The following SLC44A5 variants were observed in gnomAD, a reference collection of about 807,000 sequenced individuals.
SLC44A5 encodes the protein solute carrier family 44 member 5, also known as choline transporter-like protein 5.
Under a neutral mutation model 101.8 loss-of-function variants are expected in SLC44A5, and 57 were observed. The observed-to-expected ratio is 0.56, with a 90% CI of 0.45 to 0.70. SLC44A5 has a LOEUF of 0.70. Ranked by LOEUF, SLC44A5 falls within the 30% of genes least tolerant of loss-of-function variation. SLC44A5 has a pLI of 0.00. For missense variants in SLC44A5, 737 were observed against 853.1 expected (o/e 0.86, Z 1.70); for synonymous variants, 281 against 290.9 (o/e 0.97, Z 0.35).
chr1:75,534,641 T>A (rs112301234), intron 2 of SLC44A5, among the ~76,000 whole-genome samples: 2 of 152,344 alleles, frequency 1.3e-5, no homozygotes, highest in African/African-American at 4.8e-5. Context: ...CTAATTCCAC[T>A]GTCCTAGAAA....
At chr1:75,688,268 C>A in the SLC44A5 span, among the ~76,000 whole-genome samples, 2 of 152,182 alleles carry the variant, frequency 1.3e-5, no homozygotes, top group African/African-American at 2.4e-5. Flanking sequence ...CTCAAGGAAC[C>A]AGTTGTGGCA....
At chr1:75,498,310 T>C (rs1201078768) in intron 2 of SLC44A5, among the ~76,000 whole-genome samples, 1 of 152,122 alleles carries the variant, frequency 6.6e-6, no homozygotes, top group Non-Finnish European at 1.5e-5. Flanking sequence ...CTTTCCCACA[T>C]ATCTAATCTT....
At chr1:75,717,161 G>A in the SLC44A5 span, among the ~76,000 whole-genome samples, 2 of 151,928 alleles carry the variant, frequency 1.3e-5, no homozygotes, top group Non-Finnish European at 2.9e-5. Context: ...ATTATTCTAA[G>A]CGCATTTACA....
the SLC44A5 span, among the ~76,000 whole-genome samples, chr1:75,713,397 A>G: frequency 1.1e-4 from 16 of 152,188 alleles, no homozygotes; most frequent in Non-Finnish European, 1.6e-4. Context: ...TCCTTTCTGC[A>G]TGAAGGTCTT....
At chr1:75,279,599 T>G (rs1414097763) in intron 5 of SLC44A5, among the ~76,000 whole-genome samples, 1 of 152,112 alleles carries the variant, frequency 6.6e-6, no homozygotes, top group African/African-American at 2.4e-5. Context: ...GATAATGAAT[T>G]ATTATATAGT....
At chr1:75,384,238 T>C (rs1265083075) in intron 3 of SLC44A5, among the ~76,000 whole-genome samples, 1 of 152,058 alleles carries the variant, frequency 6.6e-6, no homozygotes, top group Admixed American at 6.6e-5. Flanking sequence ...GACTAAATGC[T>C]CCAATGGAAA....
intron 1 of SLC44A5, among the ~76,000 whole-genome samples, chr1:75,559,840 TA>T (rs1236459501): frequency 1.3e-5 from 2 of 151,832 alleles, no homozygotes; most frequent in African/African-American, 4.8e-5. Context: ...AACTTGACAA[TA>T]AAAAAGACAA....
the SLC44A5 span, among the ~76,000 whole-genome samples, chr1:75,628,695 G>T: frequency 6.6e-6 from 1 of 152,108 alleles, no homozygotes; most frequent in African/African-American, 2.4e-5. Flanking sequence ...TCAAAAAATT[G>T]TAGCCATCAA....
chr1:75,319,585 T>A (rs1655980793), intron 4 of SLC44A5, among the ~76,000 whole-genome samples: 1 of 152,196 alleles, frequency 6.6e-6, no homozygotes, highest in South Asian at 2.1e-4. Flanking sequence ...TGCCTTTTTT[T>A]CTCCTGAACT....
intron 2 of SLC44A5, among the ~76,000 whole-genome samples, chr1:75,471,363 A>G (rs938305837): frequency 5.6e-5 from 8 of 144,136 alleles, no homozygotes; most frequent in Admixed American, 2.2e-4. Context: ...CATCTAATAC[A>G]TAAGCTTGTG....
chr1:75,645,577 T>G, the SLC44A5 span, among the ~76,000 whole-genome samples: 6 of 151,906 alleles, frequency 3.9e-5, no homozygotes, highest in Non-Finnish European at 7.4e-5. Context: ...TTCTGTAGGT[T>G]GCCTGTTCAG....
At chr1:75,217,602 C>CT (rs1646988475) in intron 18 of SLC44A5, among the ~76,000 whole-genome samples, 2 of 152,164 alleles carry the variant, frequency 1.3e-5, no homozygotes, top group Admixed American at 1.3e-4. Flanking sequence ...TCTTAATCTC[C>CT]TTTTTGAAAT....
At chr1:75,241,866 C>A (rs1648658109) in intron 9 of SLC44A5, 135 bp downstream of exon 9, 4 of 623,922 alleles carry the variant, frequency 6.4e-6, no homozygotes, top group Non-Finnish European at 8.2e-6. Flanking sequence ...GACTTTCCTG[C>A]TAATCAACTC....
chr1:75,697,582 T>C, the SLC44A5 span, among the ~76,000 whole-genome samples: 1 of 151,950 alleles, frequency 6.6e-6, no homozygotes, highest in Non-Finnish European at 1.5e-5. Context: ...AACTTAGGAG[T>C]TCGAGACCAG....
chr1:75,652,385 C>T, the SLC44A5 span, among the ~76,000 whole-genome samples: 125 of 152,310 alleles, frequency 8.2e-4, 3 homozygotes, highest in African/African-American at 2.9e-3. Context: ...CTCACTCTGC[C>T]TTATGCTCCC....
At chr1:75,267,525 G>A (rs1651097095) in intron 6 of SLC44A5, among the ~76,000 whole-genome samples, 2 of 151,746 alleles carry the variant, frequency 1.3e-5, no homozygotes, top group Non-Finnish European at 2.9e-5. Context: ...ATTCTATAAG[G>A]ATATCTGCCA....
At chr1:75,520,052 T>TA (rs1670034698) in intron 2 of SLC44A5, among the ~76,000 whole-genome samples, 1 of 152,264 alleles carries the variant, frequency 6.6e-6, no homozygotes, top group Non-Finnish European at 1.5e-5. Context: ...AACCCATTTT[T>TA]ATCACACTCT....
intron 1 of SLC44A5, among the ~76,000 whole-genome samples, chr1:75,545,004 C>T (rs1671567276): frequency 6.6e-6 from 1 of 152,074 alleles, no homozygotes; most frequent in African/African-American, 2.4e-5. Context: ...CTATCCGTCC[C>T]CTAGCCCCCC....
chr1:75,604,968 T>G (rs1389291599), intron 1 of SLC44A5, among the ~76,000 whole-genome samples: 2 of 152,064 alleles, frequency 1.3e-5, no homozygotes, highest in Non-Finnish European at 2.9e-5. Context: ...TTTTCCTATT[T>G]GGATGCCTTT....
Sources: gnomAD v4.1 joint callset for allele counts (sites outside exome capture counted in the v4.1 genomes callset) on GRCh38, gnomAD v4.1.1 for gene constraint, MANE v1.5 for transcripts, NCBI Gene and HGNC (gene_info 2026-07-23, HGNC 2026-07-21) for gene names.